Variants in ZBED6 observed in about 807,000 individuals in gnomAD.
The protein encoded by ZBED6 is zinc finger BED domain-containing protein 6.
Under a neutral mutation model 58.4 loss-of-function variants are expected in ZBED6, and 40 were observed. The observed-to-expected ratio is 0.68, with a 90% CI of 0.53 to 0.89. The LOEUF is 0.89. Ranked by LOEUF, ZBED6 falls within the 40% of genes least tolerant of loss-of-function variation. ZBED6 has a pLI of 0.00. For synonymous variants in ZBED6, 439 were observed against 350.6 expected (o/e 1.25, Z -2.82); for missense variants, 1,057 against 1,003.9 (o/e 1.05, Z -0.71).
At chr1:203,833,806 T>A (rs747125586) in exon 9 of ZBED6, 1 of 1,608,410 alleles carries the variant, frequency 6.2e-7, no homozygotes, top group South Asian at 1.1e-5. Flanking sequence ...GAACCCTTGG[T>A]TAGATTGAGT....
chr1:203,850,605 C>T, exon 15 of ZBED6: 1 of 1,614,122 alleles, frequency 6.2e-7, no homozygotes. Flanking sequence ...GAGATGCACG[C>T]TGCTGTCATT....
chr1:203,845,809 A>T (rs1284118690), intron 11 of ZBED6, among the ~76,000 whole-genome samples: 1 of 152,130 alleles, frequency 6.6e-6, no homozygotes, highest in African/African-American at 2.4e-5. Context: ...GGTTGCGGTG[A>T]GTCAAGATGA....
Position 203,836,656 on chromosome 1 carries a change from A to G in ZBED6, c.*3574-1310A>G, listed in dbSNP as rs193142615. ...CCAGGCATGGTGGCATGCGCCTGTA[A>G]TTCCAGCTACTCGGGAGGCTGAGGT... On this transcript the variant is annotated intron_variant, in intron 9 of 16. Transcript: ENST00000550078. Among the ~76,000 whole-genome samples the G allele has an allele frequency of 3.0e-3, 454 of 152,328 alleles. 2 individuals carry two copies. In the Middle Eastern group the frequency reaches 0.031, roughly 10 times the overall value.
chr1:203,817,808 A>G (rs988626902), intron 2 of ZBED6, among the ~76,000 whole-genome samples: 3 of 151,720 alleles, frequency 2.0e-5, no homozygotes, highest in African/African-American at 7.3e-5. Context: ...GCTGGAGTGC[A>G]GTGGTATGGT....
intron 10 of ZBED6, among the ~76,000 whole-genome samples, chr1:203,839,956 A>G (rs1380312614): frequency 6.9e-6 from 1 of 145,070 alleles, no homozygotes; most frequent in Non-Finnish European, 1.5e-5. Context: ...GGCATGTGCC[A>G]CCACACCCGG....
In ZBED6 at chr1:203,830,111, T is replaced by G; in HGVS notation, c.*3319-12T>G. 1 of 1,583,328 alleles carries G rather than the reference T, an allele frequency of 6.3e-7. No individual in the cohort carries two copies. Among genetic ancestry groups the G allele is most frequent in the Non-Finnish European group, 8.6e-7 (1 of 1,162,930 alleles). ...CTCCCGTTCCTCATAAAATTTCTAT[T>G]TGAATTTTCAGGTGAATGTTTGAAT... On this transcript the variant is annotated splice_polypyrimidine_tract_variant and intron_variant, in intron 6 of 16. Transcript: ENST00000550078.
chr1:203,849,105 G>T (rs1020070717), intron 13 of ZBED6, among the ~76,000 whole-genome samples: 3 of 152,138 alleles, frequency 2.0e-5, no homozygotes, highest in African/African-American at 7.2e-5. Flanking sequence ...GAGTGGTCTC[G>T]AACTTCTGGC....
rs142583318 is a variant in ZBED6 at position 203,821,050 on chromosome 1, C to T, written c.*2873+2361C>T. The stretch of plus-strand genomic sequence containing the variant: ...GCTCTGTATCCTCACCTGAATCTCA[C>T]CTCTATCGTAATCCCCATGTGTTAA... On this transcript the variant is annotated intron_variant, in intron 3 of 16. Transcript: ENST00000550078. Among the ~76,000 whole-genome samples the T allele has an allele frequency of 5.4e-3, 828 of 152,284 alleles. 7 individuals are homozygous for T. The highest frequency in any genetic ancestry group is 0.044 in the Middle Eastern group (13 of 294).
rs566530968 is a variant in ZBED6 at position 203,836,497 on chromosome 1, C to A, written c.*3574-1469C>A. On this transcript the variant is annotated intron_variant, in intron 9 of 16. Transcript: ENST00000550078. Reference sequence around the variant, plus strand: ...GGGCGCGGTAGCTTACGCCTGTAATCCCAGCACTTTGAGAGGCTGAGGCAG... The same window carrying A: ...GGGCGCGGTAGCTTACGCCTGTAATACCAGCACTTTGAGAGGCTGAGGCAG... Among the ~76,000 whole-genome samples, 5 of 152,304 alleles carry A rather than the reference C, an allele frequency of 3.3e-5. No homozygotes were observed. The East Asian group carries it at 9.6e-4, about 29-fold the overall frequency.
At chr1:203,827,498 G>A (rs1680928240) in intron 3 of ZBED6, among the ~76,000 whole-genome samples, 1 of 151,750 alleles carries the variant, frequency 6.6e-6, no homozygotes, top group African/African-American at 2.4e-5. Flanking sequence ...GGCTAACATG[G>A]TAAAACCTCT....
At chr1:203,810,423 G>GTTTTT (rs765335556) in intron 1 of ZBED6, among the ~76,000 whole-genome samples, 3 of 138,792 alleles carry the variant, frequency 2.2e-5, no homozygotes, top group East Asian at 2.1e-4. Flanking sequence ...TAGCTGTTAG[G>GTTTTT]TTTTTTTTTT....
chr1:203,798,289 A>C, exon 1 of ZBED6: 1 of 1,536,182 alleles, frequency 6.5e-7, no homozygotes, highest in East Asian at 2.4e-5. Flanking sequence ...ATTGTCAAGC[A>C]TGCTTTAATT....
intron 1 of ZBED6, chr1:203,806,262 A>T (rs1479781296): frequency 3.2e-6 from 1 of 316,198 alleles, no homozygotes; most frequent in Non-Finnish European, 6.2e-6. Context: ...GAATCAGTTT[A>T]TCTTGAGTGG....
At chr1:203,825,548 T>A (rs901766231) in intron 3 of ZBED6, among the ~76,000 whole-genome samples, 2 of 151,086 alleles carry the variant, frequency 1.3e-5, no homozygotes, top group Admixed American at 6.6e-5. Flanking sequence ...GATTCTCCTG[T>A]CTCAGCCTCC....
At chr1:203,824,679 G>A (rs931995690) in intron 3 of ZBED6, among the ~76,000 whole-genome samples, 5 of 152,132 alleles carry the variant, frequency 3.3e-5, no homozygotes, top group African/African-American at 4.8e-5. Context: ...TTGGTTCCAC[G>A]GCTTTTGGTT....
At chr1:203,805,602 G>A (rs1403994401) in intron 1 of ZBED6, 2 of 638,192 alleles carry the variant, frequency 3.1e-6, no homozygotes, top group Non-Finnish European at 6.1e-6. Context: ...TTTACATGAT[G>A]TACTTAAATG....
At chr1:203,809,767 A>C (rs1162473113) in intron 1 of ZBED6, among the ~76,000 whole-genome samples, 1 of 152,070 alleles carries the variant, frequency 6.6e-6, no homozygotes, top group Non-Finnish European at 1.5e-5. Context: ...CAATCTGGCC[A>C]ACATGGTGAA....
rs1482951177 is a variant in ZBED6 at position 203,797,097 on chromosome 1, TA to T, written c.-421del. The T allele has an allele frequency of 6.5e-6, 1 of 154,154 alleles. No homozygotes were observed. The highest frequency in any genetic ancestry group is 1.4e-5 in the Non-Finnish European group (1 of 69,528). The allele number at this position is 154,154 out of a possible 1,614,324, so 9.5% of individuals were successfully genotyped here. A position where few individuals can be genotyped will look rare whatever the true frequency, so the allele number is the denominator to read the frequency against. ...TTGATGTCGCTATCATGAGGCATCA[TA>T]AAAATATGTATTTTACAAGGTGAAG... On this transcript the variant is annotated 5_prime_UTR_variant, in exon 1 of 17. An upstream open reading frame in the 5' UTR loses its in-frame stop. Transcript: ENST00000550078.
At chr1:203,847,053 T>G in intron 11 of ZBED6, 131 bp from the exon 12 acceptor site, 2 of 988,056 alleles carry the variant, frequency 2.0e-6, no homozygotes, top group Non-Finnish European at 3.0e-6. Context: ...ATGTTACCCT[T>G]TTGATCCTTT....
Sources: gnomAD v4.1 joint callset for allele counts (sites outside exome capture counted in the v4.1 genomes callset) on GRCh38, gnomAD v4.1.1 for gene constraint, MANE v1.5 for transcripts, NCBI Gene and HGNC (gene_info 2026-07-23, HGNC 2026-07-21) for gene names.